MTAP: variants seen among roughly 807,000 people sequenced by gnomAD.
MTAP encodes the protein S-methyl-5'-thioadenosine phosphorylase.
Under a neutral mutation model 33.6 loss-of-function variants are expected in MTAP, and 33 were observed. The observed-to-expected ratio is 0.98, with a 90% CI of 0.74 to 1.31. MTAP has a LOEUF of 1.31. Ranked by LOEUF, MTAP falls within the 40% of genes most tolerant of loss-of-function variation. The probability of loss-of-function intolerance (pLI) is 0.00; values close to 1 mark genes in which losing one functional copy is unlikely to be tolerated. For missense variants in MTAP, 367 were observed against 360.0 expected, an observed-to-expected ratio of 1.02 and a Z score of -0.16; for synonymous variants, 148 against 125.7, an observed-to-expected ratio of 1.18 and a Z score of -1.19.
At chr9:21,871,688 C>G (rs1825939975), downstream of MTAP, among the ~76,000 whole-genome samples, 2 of 152,164 alleles carry the variant, frequency 1.3e-5, no homozygotes, top group Non-Finnish European at 2.9e-5. Flanking sequence ...TCGGTTTCCA[C>G]CTCAAATCCC....
chr9:21,833,856 A>G (rs1035680012), intron 4 of MTAP, among the ~76,000 whole-genome samples: 7 of 152,184 alleles, frequency 4.6e-5, no homozygotes, highest in African/African-American at 1.4e-4. Flanking sequence ...AAGAGTCTTG[A>G]TTCAAGAAAC....
chr9:21,804,747 C>G (rs903398151), intron 1 of MTAP, among the ~76,000 whole-genome samples: 1 of 152,184 alleles, frequency 6.6e-6, no homozygotes, highest in African/African-American at 2.4e-5. Context: ...TCAAGACCAT[C>G]CATATAGCCA....
At chr9:21,872,362 T>G (rs1266009492) in intron 1 of MTAP, among the ~76,000 whole-genome samples, 5 of 152,172 alleles carry the variant, frequency 3.3e-5, no homozygotes, top group African/African-American at 1.2e-4. Context: ...ATCTTTTGAT[T>G]GAATAGTAAA....
At chr9:21,850,950 C>CTAAG (rs1825496420) in intron 5 of MTAP, among the ~76,000 whole-genome samples, 1 of 152,178 alleles carries the variant, frequency 6.6e-6, no homozygotes, top group African/African-American at 2.4e-5. Flanking sequence ...AGTCAACAGG[C>CTAAG]TAAGAAGGGA....
intron 1 of MTAP, among the ~76,000 whole-genome samples, chr9:21,904,500 C>T (rs1177407547): frequency 6.6e-6 from 1 of 152,156 alleles, no homozygotes; most frequent in African/African-American, 2.4e-5. Context: ...TCAAAAACCA[C>T]TTCTCTGCTG....
rs73431515 is a variant in MTAP, at chr9:21,858,225, G to A, written c.691-1078G>A. Among the ~76,000 whole-genome samples, 1,444 of 152,192 alleles carry A rather than the reference G, an allele frequency of 9.5e-3. 27 individuals are homozygous for A. The highest frequency in any genetic ancestry group is 0.032 in the African/African-American group (1,323 of 41,504). ...ACAGTTTTAACATTGTAATCCCTTC[G>A]GCTGTGGACATGAAGAGAACAGCCA... On this transcript the variant is annotated intron_variant, in intron 6 of 7. Transcript: ENST00000644715.
chr9:21,865,046 C>G lies in MTAP; in HGVS notation c.*3032C>G, dbSNP rs1825829766. The G allele has an allele frequency of 2.0e-6, 2 of 985,434 alleles. No individual in the cohort carries two copies. Among genetic ancestry groups the G allele is most frequent in the Non-Finnish European group, 2.4e-6 (2 of 829,942 alleles). 61.0% of individuals were successfully genotyped at this position (985,434 alleles called of 1,614,324 possible). On this transcript the variant is annotated 3_prime_UTR_variant, in exon 8 of 8. Coordinates refer to ENST00000644715, the MANE Select transcript of MTAP (RefSeq NM_002451.4). ...TTAGGAAGTCACGAAATGAGGAGTTCTTGCCACATTTGCAGAGTCCCTCCT... is the reference window on the plus strand; with the variant it reads ...TTAGGAAGTCACGAAATGAGGAGTTGTTGCCACATTTGCAGAGTCCCTCCT...
At chr9:21,915,709 GA>G (rs1818677363) in intron 1 of MTAP, among the ~76,000 whole-genome samples, 1 of 151,998 alleles carries the variant, frequency 6.6e-6, no homozygotes, top group African/African-American at 2.4e-5. Flanking sequence ...ATGGTGTTGA[GA>G]ATATACTGTA....
At chr9:21,860,275 A>G (rs955621292) in intron 7 of MTAP, 6 of 152,174 alleles carry the variant, frequency 3.9e-5, no homozygotes, top group Admixed American at 3.3e-4. Flanking sequence ...AATGTTTGCT[A>G]ATTTACGTGG....
At chr9:21,881,481 C>G (rs1465891407) in intron 1 of MTAP, among the ~76,000 whole-genome samples, 1 of 151,944 alleles carries the variant, frequency 6.6e-6, no homozygotes, top group Non-Finnish European at 1.5e-5. Context: ...GCAGCACTTG[C>G]AAACCATATA....
At chr9:21,826,868 G>C (rs1340726482) in intron 4 of MTAP, among the ~76,000 whole-genome samples, 2 of 152,002 alleles carry the variant, frequency 1.3e-5, no homozygotes, top group Non-Finnish European at 1.5e-5. Flanking sequence ...ATTACCACCT[G>C]AGCTCCCCAT....
chr9:21,872,813 T>G (rs1262646784), intron 1 of MTAP, among the ~76,000 whole-genome samples: 1 of 152,140 alleles, frequency 6.6e-6, no homozygotes, highest in Non-Finnish European at 1.5e-5. Flanking sequence ...ACCTTTCAAC[T>G]TTTTCATGCT....
At chr9:21,813,724 TGA>T (rs1824408646) in intron 1 of MTAP, 1 of 152,172 alleles carries the variant, frequency 6.6e-6, no homozygotes, top group Non-Finnish European at 1.5e-5. Context: ...GGGAGCTGGC[TGA>T]GAGTAATTTC....
rs547518515 is a variant in MTAP, at chr9:21,818,983, C to T, written c.347+781C>T. 2.6e-4 allele frequency among the ~76,000 whole-genome samples: 40 copies of T among 152,204 alleles called. No homozygotes were observed. In the South Asian group the frequency reaches 7.3e-3, roughly 28 times the overall value. On this transcript the variant is annotated intron_variant, in intron 4 of 7. Coordinates refer to ENST00000644715, the MANE Select transcript of MTAP (RefSeq NM_002451.4). ...CTATGAGTTTGACTTAGTTAGATTCCACATATAGGTGAGATCATGCAGTAT... is the reference window on the plus strand; with the variant it reads ...CTATGAGTTTGACTTAGTTAGATTCTACATATAGGTGAGATCATGCAGTAT...
Position 21,862,947 on chromosome 9 carries a change from T to G in MTAP, c.*933T>G, listed in dbSNP as rs1366672000. On this transcript the variant is annotated 3_prime_UTR_variant, in exon 8 of 8. Transcript: ENST00000644715. ...AAAAATAAAAGTGGATTTAGAAAGA[T>G]CCAGTTCTTGAAAACACTGTTTCTG... 1 of 982,050 alleles carries G rather than the reference T, an allele frequency of 1.0e-6. No homozygotes were observed. Among genetic ancestry groups the G allele is most frequent in the Non-Finnish European group, 1.2e-6 (1 of 827,032 alleles). 60.8% of individuals were successfully genotyped at this position (982,050 alleles called of 1,614,324 possible).
chr9:21,878,273 TATCA>T (rs1826039530), intron 1 of MTAP, among the ~76,000 whole-genome samples: 1 of 152,078 alleles, frequency 6.6e-6, no homozygotes, highest in South Asian at 2.1e-4. Context: ...GCTAGTGGTT[TATCA>T]ATCTGAGTTA....
At chr9:21,807,836 A>G (rs965812616) in intron 1 of MTAP, among the ~76,000 whole-genome samples, 1 of 152,222 alleles carries the variant, frequency 6.6e-6, no homozygotes, top group African/African-American at 2.4e-5. Flanking sequence ...ATGGTAATAC[A>G]TTATTTCATT....
At chr9:21,819,731 G>A (rs1313250242) in intron 4 of MTAP, among the ~76,000 whole-genome samples, 1 of 152,170 alleles carries the variant, frequency 6.6e-6, no homozygotes, top group Non-Finnish European at 1.5e-5. Context: ...CTTCCACAAT[G>A]GTTGAACTAG....
chr9:21,820,799 A>C (rs1054080974), intron 4 of MTAP, among the ~76,000 whole-genome samples: 13 of 152,044 alleles, frequency 8.6e-5, no homozygotes, highest in African/African-American at 3.1e-4. Flanking sequence ...CTTTTATTTC[A>C]TTGAGCAGTG....
Sources: gnomAD v4.1 joint callset for allele counts (sites outside exome capture counted in the v4.1 genomes callset) on GRCh38, gnomAD v4.1.1 for gene constraint, MANE v1.5 for transcripts, NCBI Gene and HGNC (gene_info 2026-07-23, HGNC 2026-07-21) for gene names.